The following SMC1B variants were observed in gnomAD, a reference collection of about 807,000 sequenced individuals.
SMC1B encodes structural maintenance of chromosomes protein 1B.
In SMC1B, 60 loss-of-function variants were observed where a neutral mutation model predicts 157.9. The observed-to-expected ratio is 0.38, with a 90% CI of 0.31 to 0.47. The LOEUF (loss-of-function observed/expected upper bound fraction) is 0.47, where lower values mean the gene tolerates loss of function less well. Ranked by LOEUF, SMC1B falls within the 20% of genes least tolerant of loss-of-function variation. The pLI is 0.99. For missense variants in SMC1B, 1,165 were observed against 1,426.2 expected, an observed-to-expected ratio of 0.82 and a Z score of 2.95; for synonymous variants, 445 against 483.0, an observed-to-expected ratio of 0.92 and a Z score of 1.03.
In SMC1B at chr22:45,355,026, T is replaced by G; in HGVS notation, c.3051A>C (p.Ala1017=). The G allele has an allele frequency of 6.2e-7, 1 of 1,614,246 alleles. No homozygotes were observed. Among genetic ancestry groups the G allele is most frequent in the Non-Finnish European group, 8.5e-7 (1 of 1,180,052 alleles). Residue 1017 remains alanine, a synonymous_variant, in exon 20 of 25, where the codon GCA becomes GCC. Transcript: ENST00000357450. ...ASQEDILLKT[A]APNLRALENL... The stretch of plus-strand genomic sequence containing the variant: ...TCTCCAGTGCTCGTAGGTTTGGGGC[T>G]GCTGTTTTCAGTAAGATATCTTCCT...
intron 16 of SMC1B, among the ~76,000 whole-genome samples, chr22:45,362,667 G>C (rs949699774): frequency 6.6e-6 from 1 of 152,168 alleles, no homozygotes; most frequent in Non-Finnish European, 1.5e-5. Flanking sequence ...AATCACCCCA[G>C]TTAGAACTAA....
In SMC1B at chr22:45,355,182, G is replaced by A. The variant is rs1011361227; in HGVS notation, c.2962-67C>T. The A allele has an allele frequency of 1.5e-5, 23 of 1,529,414 alleles. No individual in the cohort carries two copies. In the Admixed American group the frequency reaches 1.9e-4, roughly 12 times the overall value. The allele number at this position is 1,529,414 out of a possible 1,614,324, so 94.7% of individuals were successfully genotyped here. ...TTTTACATCCAGCAAGGTAGGGTGC[G>A]TGTGTGGGGCACTTCACCATCCCAG... On this transcript the variant is annotated intron_variant, in intron 19 of 24. Coordinates refer to ENST00000357450, the MANE Select transcript of SMC1B (RefSeq NM_148674.5).
At chr22:45,384,055 A>G (rs2086965913) in intron 11 of SMC1B, among the ~76,000 whole-genome samples, 2 of 152,184 alleles carry the variant, frequency 1.3e-5, no homozygotes, top group African/African-American at 4.8e-5. Context: ...TTCCCCATAA[A>G]GTGTTACTAA....
intron 6 of SMC1B, among the ~76,000 whole-genome samples, chr22:45,398,269 C>T (rs1302422828): frequency 6.6e-6 from 1 of 152,228 alleles, no homozygotes; most frequent in East Asian, 1.9e-4. Context: ...TGCAACACAC[C>T]TGGTCCAGCT....
intron 1 of SMC1B, 100 bp downstream of exon 1, chr22:45,413,359 C>G: frequency 1.1e-6 from 1 of 929,374 alleles, no homozygotes; most frequent in East Asian, 2.7e-5. Context: ...GAAGGCCGGC[C>G]AGGCGCCCGC....
intron 15 of SMC1B, among the ~76,000 whole-genome samples, chr22:45,368,889 CTGAGA>C (rs1167535334): frequency 1.3e-5 from 2 of 152,114 alleles, no homozygotes; most frequent in African/African-American, 2.4e-5. Flanking sequence ...TTAAAGTCTG[CTGAGA>C]TAATTCACCT....
At chr22:45,391,170 A>G (rs569769200) in intron 9 of SMC1B, among the ~76,000 whole-genome samples, 5 of 152,046 alleles carry the variant, frequency 3.3e-5, no homozygotes, top group African/African-American at 9.7e-5. Context: ...CTATAGGCGC[A>G]CACCATCACG....
At position 45,370,005 on chromosome 22, in the gene SMC1B, C is replaced by T. The variant is rs747788367; in HGVS notation, c.2369G>A (p.Arg790His). 5.0e-6 allele frequency: 8 copies of T among 1,597,260 alleles called. No homozygotes were observed. The highest frequency in any genetic ancestry group is 1.7e-4 in the Middle Eastern group (1 of 6,032). The change falls in exon 15 of 25, where the codon CGT (arginine) becomes CAT (histidine). Residue 790 changes from arginine (R) to histidine (H), a missense_variant. Coordinates refer to ENST00000357450, the MANE Select transcript of SMC1B (RefSeq NM_148674.5). ...FCEEIGVENI[R>H]EFENKHVKRQ... Reference sequence around the variant, plus strand: ...TTTAACATGTTTGTTCTCAAATTCACGAATATTTTCCACGCCAATTTCTTC... The same window carrying T: ...TTTAACATGTTTGTTCTCAAATTCATGAATATTTTCCACGCCAATTTCTTC...
At chr22:45,388,703 G>A (rs893842796) in intron 10 of SMC1B, among the ~76,000 whole-genome samples, 1 of 152,002 alleles carries the variant, frequency 6.6e-6, no homozygotes, top group African/African-American at 2.4e-5. Context: ...TAGGACAGGC[G>A]TGATGGCTCA....
At chr22:45,354,809 G>T in intron 20 of SMC1B, 150 bp downstream of exon 20, 1 of 612,156 alleles carries the variant, frequency 1.6e-6, no homozygotes, top group East Asian at 2.7e-5. Context: ...AACAATTAAT[G>T]ATTCAGTATT....
intron 12 of SMC1B, among the ~76,000 whole-genome samples, chr22:45,376,397 T>C (rs2086883746): frequency 6.6e-6 from 1 of 152,222 alleles, no homozygotes; most frequent in Non-Finnish European, 1.5e-5. Flanking sequence ...AATATTCCAT[T>C]GTATGTATAT....
intron 15 of SMC1B, among the ~76,000 whole-genome samples, chr22:45,367,359 T>A (rs1328741210): frequency 2.0e-5 from 3 of 152,224 alleles, no homozygotes; most frequent in Non-Finnish European, 4.4e-5. Flanking sequence ...TCAGGTTTGC[T>A]TCAGCTCCAG....
chr22:45,393,349 G>A (rs1390618637), intron 9 of SMC1B, among the ~76,000 whole-genome samples: 6 of 152,076 alleles, frequency 3.9e-5, no homozygotes, highest in African/African-American at 1.4e-4. Flanking sequence ...CAGCATCCAG[G>A]TCCTTTTGGG....
rs930789429 is a variant in SMC1B, at chr22:45,396,413, A to G, written c.1187T>C (p.Leu396Pro). 1.2e-6 allele frequency: 2 copies of G among 1,612,490 alleles called. No individual in the cohort carries two copies. Among genetic ancestry groups the G allele is most frequent in the Non-Finnish European group, 1.7e-6 (2 of 1,179,390 alleles). Reference protein sequence around the residue: ...VATMTQQLEKLQWEQKTDEER... With the variant: ...VATMTQQLEKPQWEQKTDEER... The stretch of plus-strand genomic sequence containing the variant: ...TTCATCTGTCTTCTGTTCCCACTGC[A>G]GTTTTTCCAGTTGTTGAGTCATTGT... Residue 396 changes from leucine (L) to proline (P), a missense_variant, in exon 7 of 25, where the codon CTG (leucine) becomes CCG (proline). Transcript: ENST00000357450.
rs372536380 is a variant in SMC1B, at chr22:45,386,829, A to G, written c.1911+38T>C. The G allele has an allele frequency of 7.6e-6, 12 of 1,576,032 alleles. No homozygotes were observed. In the African/African-American group the frequency reaches 1.1e-4, roughly 14 times the overall value. On this transcript the variant is annotated intron_variant, in intron 11 of 24. Transcript: ENST00000357450. ...ATGCTAGTCTTATAAATACTACTTC[A>G]ACTTATCCAAAGGTGTGATCCAAGC... is the stretch of plus-strand genomic sequence containing the variant.
chr22:45,389,777 A>C lies in SMC1B; in HGVS notation c.1666T>G (p.Cys556Gly). Residue 556 changes from cysteine to glycine, a missense_variant, in exon 10 of 25, where the codon TGT (cysteine) becomes GGT (glycine). Physicochemically the swap from Cys to Gly is radical, Grantham distance 159. Coordinates refer to ENST00000357450, the MANE Select transcript of SMC1B (RefSeq NM_148674.5). ...VVASEKVAKDCIRFLKEERAE... is the reference protein window; with the variant it reads ...VVASEKVAKDGIRFLKEERAE... ...CTTTCCTCCTTCAGAAATCGAATAC[A>C]ATCTTTTGCTACCTTTTCAGAGGCT... 8 of 1,614,144 alleles carry C rather than the reference A, an allele frequency of 5.0e-6. No individual in the cohort carries two copies. The highest frequency in any genetic ancestry group is 6.8e-6 in the Non-Finnish European group (8 of 1,180,006).
chr22:45,408,934 T>C (rs769113149), intron 1 of SMC1B, 36 bp from the exon 2 acceptor site: 2 of 1,340,562 alleles, frequency 1.5e-6, no homozygotes, highest in Admixed American at 2.7e-5. Flanking sequence ...TATTCATTCT[T>C]AATGATAAAA....
rs569024980 is a variant in SMC1B at position 45,345,567 on chromosome 22, C to T, written c.3498G>A (p.Val1166=). ...GAGTTTGCTCTTTGATGTAACTTGA[C>T]ACCTGGAAGAAATAAAAACACACAT... ...AALDNTNIGK[V]SSYIKEQTQD... The change falls in exon 24 of 25, where the codon GTG becomes GTA. Residue 1166 remains valine (V), a splice_region_variant and synonymous_variant. Coordinates refer to ENST00000357450, the MANE Select transcript of SMC1B (RefSeq NM_148674.5). The T allele has an allele frequency of 6.3e-6, 10 of 1,585,336 alleles. No homozygotes were observed. In the South Asian group the frequency reaches 1.1e-4, roughly 18 times the overall value.
At chr22:45,391,119 A>G (rs1013033470) in intron 9 of SMC1B, among the ~76,000 whole-genome samples, 5 of 151,856 alleles carry the variant, frequency 3.3e-5, no homozygotes, top group African/African-American at 1.2e-4. Context: ...GCTGGTCTCA[A>G]ACTCAAGTAT....
Sources: allele counts gnomAD v4.1 joint callset (sites outside exome capture counted in the v4.1 genomes callset), GRCh38; gene constraint gnomAD v4.1.1; transcripts MANE v1.5; gene names NCBI Gene and HGNC (gene_info 2026-07-23, HGNC 2026-07-21).